Variants in UGGT1 observed in about 807,000 individuals in gnomAD.
UGGT1 encodes the protein UDP-glucose:glycoprotein glucosyltransferase 1.
UGGT1 carries 107 observed loss-of-function variants against 203.9 expected under a neutral mutation model. The observed-to-expected ratio is 0.52, with a 90% CI of 0.45 to 0.62. The LOEUF (loss-of-function observed/expected upper bound fraction) is 0.62. UGGT1 is among the 20% of genes least tolerant of loss of function. The pLI is 0.00. For missense variants in UGGT1, 1,673 were observed against 1,867.2 expected (o/e 0.90, Z 1.92); for synonymous variants, 628 against 653.5 (o/e 0.96, Z 0.59).
chr2:128,111,685 CG>C (rs1310150343), intron 5 of UGGT1, among the ~76,000 whole-genome samples: 1 of 151,722 alleles, frequency 6.6e-6, no homozygotes, highest in Non-Finnish European at 1.5e-5. Flanking sequence ...TTAGTAGAGA[CG>C]GGGTTTCACT....
At chr2:128,101,913 T>G (rs1445510112) in intron 2 of UGGT1, among the ~76,000 whole-genome samples, 1 of 152,344 alleles carries the variant, frequency 6.6e-6, no homozygotes, top group African/African-American at 2.4e-5. Flanking sequence ...GCATTCATTC[T>G]GGTTGTTTGT....
intron 39 of UGGT1, 56 bp downstream of exon 39, chr2:128,186,855 C>A: frequency 1.7e-6 from 2 of 1,199,840 alleles, no homozygotes; most frequent in South Asian, 1.5e-5. Context: ...GTGAGTGAAT[C>A]ACGATTAATG....
At chr2:128,130,801 TG>T in intron 13 of UGGT1, among the ~76,000 whole-genome samples, 1 of 152,314 alleles carries the variant, frequency 6.6e-6, no homozygotes, top group Non-Finnish European at 1.5e-5. Context: ...TTCTTTCTTT[TG>T]TTTTTTTAGA....
At chr2:128,170,235 A>C (rs1044290215) in intron 26 of UGGT1, 53 bp from the exon 27 acceptor site, 2 of 1,514,326 alleles carry the variant, frequency 1.3e-6, no homozygotes, top group African/African-American at 1.4e-5. Context: ...TACAAAAAAA[A>C]CTTTTGTTTC....
At chr2:128,170,226 A>G in intron 26 of UGGT1, 62 bp from the exon 27 acceptor site, 1 of 1,433,188 alleles carries the variant, frequency 7.0e-7, no homozygotes, top group Non-Finnish European at 9.8e-7. Context: ...GTTATATTGT[A>G]CAAAAAAAAC....
At chr2:128,132,323 G>A (rs771712140) in intron 13 of UGGT1, among the ~76,000 whole-genome samples, 11 of 151,834 alleles carry the variant, frequency 7.2e-5, no homozygotes, top group Non-Finnish European at 1.2e-4. Flanking sequence ...CGAGGTGGGC[G>A]GATCACTTGA....
At chr2:128,149,224 A>T (rs1203601436) in intron 18 of UGGT1, among the ~76,000 whole-genome samples, 2 of 151,698 alleles carry the variant, frequency 1.3e-5, no homozygotes, top group Non-Finnish European at 2.9e-5. Context: ...GTATGTTTTG[A>T]AGAGTTGGGA....
intron 16 of UGGT1, among the ~76,000 whole-genome samples, chr2:128,142,288 AG>A (rs1689470678): frequency 6.6e-6 from 1 of 151,514 alleles, no homozygotes; most frequent in Non-Finnish European, 1.5e-5. Context: ...ACACTTAACA[AG>A]ACTGAGCTGA....
intron 8 of UGGT1, among the ~76,000 whole-genome samples, chr2:128,119,625 A>G (rs1245916972): frequency 1.3e-5 from 2 of 152,188 alleles, no homozygotes; most frequent in Non-Finnish European, 2.9e-5. Context: ...TTACTAAGAG[A>G]TTTATGAGCA....
chr2:128,104,890 A>C (rs937667548), intron 3 of UGGT1, among the ~76,000 whole-genome samples: 1 of 151,510 alleles, frequency 6.6e-6, no homozygotes, highest in African/African-American at 2.4e-5. Flanking sequence ...CAAGTGATCC[A>C]CCCGCCTCAG....
At chr2:128,108,756 G>A (rs536917885) in intron 4 of UGGT1, among the ~76,000 whole-genome samples, 2 of 152,166 alleles carry the variant, frequency 1.3e-5, no homozygotes, top group Non-Finnish European at 2.9e-5. Context: ...ACTTAGTCTG[G>A]CACCATGGAA....
At chr2:128,104,532 A>G (rs934619255) in intron 3 of UGGT1, among the ~76,000 whole-genome samples, 24 of 152,256 alleles carry the variant, frequency 1.6e-4, no homozygotes, top group Non-Finnish European at 3.5e-4. Context: ...CACATTTTTT[A>G]AACTTCGTAT....
rs958903330 is a variant in UGGT1 at position 128,161,192 on chromosome 2, C to A, written c.2749C>A (p.Leu917Ile). The A allele has an allele frequency of 6.2e-7, 1 of 1,613,890 alleles. No individual in the cohort carries two copies. The highest frequency in any genetic ancestry group is 1.3e-5 in the African/African-American group (1 of 74,910). ...CTTTAATCAAGACGATTTCCACCTC[C>A]TCGAAAATATCATCTTAAAAACCTC... ...ELFNQDDFHL[L>I]ENIILKTSGQ... Residue 917 changes from leucine (L) to isoleucine (I), a missense_variant, in exon 25 of 41, where the codon CTC becomes ATC. By Grantham distance (5) the Leu-to-Ile change is conservative. Coordinates refer to ENST00000259253, the MANE Select transcript of UGGT1 (RefSeq NM_020120.4).
In UGGT1 at chr2:128,143,143, T is replaced by C; in HGVS notation, c.1769T>C (p.Val590Ala). Residue 590 changes from valine to alanine, a missense_variant, in exon 17 of 41, where the codon GTC (valine) becomes GCC (alanine). This residue lies in a region of UGGT1 where 1,073 missense variants were observed against 1,078.7 expected (regional missense o/e 0.99). Transcript: ENST00000259253. ...GAAAAAGTGAAAGTTGAACATGTGG[T>C]CAGTGTCCTGGAGAAGAAATATCCG... is the stretch of plus-strand genomic sequence containing the variant. ...TGEKVKVEHV[V>A]SVLEKKYPYV... The C allele has an allele frequency of 6.2e-7, 1 of 1,614,032 alleles. No homozygotes were observed. The highest frequency in any genetic ancestry group is 1.7e-4 in the Middle Eastern group (1 of 6,060).
Position 128,091,263 on chromosome 2 carries a change from C to G in UGGT1, c.-95C>G, listed in dbSNP as rs912567392. 1.4e-5 allele frequency: 18 copies of G among 1,315,570 alleles called. No individual in the cohort carries two copies. The highest frequency in any genetic ancestry group is 1.8e-5 in the Non-Finnish European group (18 of 989,840). 81.5% of individuals were successfully genotyped at this position (1,315,570 alleles called of 1,614,324 possible). The stretch of plus-strand genomic sequence containing the variant: ...AGCCGCGGGAAAGGCGCGTGTCGGC[C>G]TCTCACTGGCGCAGCCTGCACTGCC... On this transcript the variant is annotated 5_prime_UTR_variant, in exon 1 of 41. Coordinates refer to ENST00000259253, the MANE Select transcript of UGGT1 (RefSeq NM_020120.4).
intron 11 of UGGT1, among the ~76,000 whole-genome samples, chr2:128,124,182 A>G (rs1438651391): frequency 2.0e-5 from 3 of 152,038 alleles, no homozygotes; most frequent in Non-Finnish European, 4.4e-5. Flanking sequence ...TCCTGACCTC[A>G]TGATCCACCC....
rs539164533 is a variant in UGGT1, at chr2:128,176,635, A to C, written c.3540-179A>C. 4.0e-4 allele frequency among the ~76,000 whole-genome samples: 61 copies of C among 152,306 alleles called. 1 individual carries two copies. Among genetic ancestry groups the C allele is most frequent in the Non-Finnish European group, 6.9e-4 (47 of 68,014 alleles). On this transcript the variant is annotated intron_variant, in intron 31 of 40. Coordinates refer to ENST00000259253, the MANE Select transcript of UGGT1 (RefSeq NM_020120.4). ...CAAAGGAGGTTTGGGCATGCACCTT[A>C]TATAAAGAGAGGTTTCAACACGTGC...
At chr2:128,120,645 G>C (rs1219634130) in intron 9 of UGGT1, among the ~76,000 whole-genome samples, 189 bp downstream of exon 9, 1 of 152,102 alleles carries the variant, frequency 6.6e-6, no homozygotes, top group East Asian at 1.9e-4. Context: ...GATAACACTA[G>C]GTAGAAGTAA....
intron 17 of UGGT1, 127 bp from the exon 18 acceptor site, chr2:128,145,676 A>T: frequency 1.2e-6 from 1 of 846,932 alleles, no homozygotes; most frequent in Non-Finnish European, 1.7e-6. Context: ...AAATATCTTG[A>T]GTTATTTTTT....
Sources: gnomAD v4.1 joint callset for allele counts (sites outside exome capture counted in the v4.1 genomes callset) on GRCh38, gnomAD v4.1.1 for gene constraint, gnomAD v4.1.1 regional missense constraint, MANE v1.5 for transcripts, NCBI Gene and HGNC (gene_info 2026-07-23, HGNC 2026-07-21) for gene names.